SEMA3A: variants seen among roughly 807,000 people sequenced by gnomAD.
The protein encoded by SEMA3A is semaphorin 3A.
In SEMA3A, 29 loss-of-function variants were observed where a neutral mutation model predicts 97.9. That is an observed-to-expected ratio of 0.30 (90% CI 0.22 to 0.40). SEMA3A has a LOEUF of 0.40. Ranked by LOEUF, SEMA3A falls within the 10% of genes least tolerant of loss-of-function variation. SEMA3A has a pLI of 1.00. For missense variants in SEMA3A, 763 were observed against 951.3 expected (o/e 0.80, Z 2.60); for synonymous variants, 321 against 323.7 (o/e 0.99, Z 0.09).
At chr7:84,209,768 G>A (rs949568920) in intron 3 of SEMA3A, among the ~76,000 whole-genome samples, 8 of 151,930 alleles carry the variant, frequency 5.3e-5, no homozygotes, top group Non-Finnish European at 1.2e-4. Context: ...AACTATGATA[G>A]CCCCAATAAC....
intron 3 of SEMA3A, among the ~76,000 whole-genome samples, chr7:84,239,432 A>G (rs889583335): frequency 6.6e-6 from 1 of 152,186 alleles, no homozygotes; most frequent in African/African-American, 2.4e-5. Flanking sequence ...CTCATTTTAC[A>G]CCCAAATATG....
At chr7:84,275,635 G>T (rs1421625400) in intron 3 of SEMA3A, among the ~76,000 whole-genome samples, 1 of 151,862 alleles carries the variant, frequency 6.6e-6, no homozygotes, top group Non-Finnish European at 1.5e-5. Flanking sequence ...CTCAGGGGTT[G>T]CTGGTCTAGG....
intron 4 of SEMA3A, among the ~76,000 whole-genome samples, chr7:84,068,496 T>G (rs1793620787): frequency 6.6e-6 from 1 of 151,472 alleles, no homozygotes; most frequent in African/African-American, 2.4e-5. Flanking sequence ...AAAAGACCTA[T>G]ACTCTATTGT....
At chr7:83,996,447 C>G (rs533030237) in intron 12 of SEMA3A, among the ~76,000 whole-genome samples, 21 of 151,994 alleles carry the variant, frequency 1.4e-4, no homozygotes, top group African/African-American at 4.3e-4. Flanking sequence ...GGATTACAGG[C>G]ATGTGCCACC....
intron 1 of SEMA3A, among the ~76,000 whole-genome samples, chr7:84,157,214 T>C (rs924155699): frequency 2.6e-5 from 4 of 152,198 alleles, no homozygotes; most frequent in Non-Finnish European, 5.9e-5. Flanking sequence ...CTGGTACTTC[T>C]GCTTTTCCAA....
At chr7:84,168,825 T>C (rs1024648012) in intron 1 of SEMA3A, among the ~76,000 whole-genome samples, 3 of 151,874 alleles carry the variant, frequency 2.0e-5, no homozygotes, top group Non-Finnish European at 4.4e-5. Flanking sequence ...AATATTTTAA[T>C]GTAAACTTTT....
intron 1 of SEMA3A, among the ~76,000 whole-genome samples, chr7:84,193,310 C>T (rs1334365070): frequency 6.6e-6 from 1 of 151,886 alleles, no homozygotes; most frequent in Non-Finnish European, 1.5e-5. Context: ...AAAAGATGTT[C>T]CCCATCATAT....
intron 1 of SEMA3A, among the ~76,000 whole-genome samples, chr7:84,410,117 T>C (rs1804220037): frequency 6.6e-6 from 1 of 152,036 alleles, no homozygotes; most frequent in African/African-American, 2.4e-5. Context: ...ATTGTTTTGT[T>C]CCTGTATAAG....
At chr7:83,977,611 ATTAT>A (rs905941755) in intron 14 of SEMA3A, among the ~76,000 whole-genome samples, 8 of 151,898 alleles carry the variant, frequency 5.3e-5, no homozygotes, top group Non-Finnish European at 8.8e-5. Context: ...TTTTTTTCTG[ATTAT>A]TAATGAAGGA....
intron 15 of SEMA3A, among the ~76,000 whole-genome samples, chr7:83,963,783 G>T (rs1788571846): frequency 6.6e-6 from 1 of 152,160 alleles, no homozygotes; most frequent in South Asian, 2.1e-4. Context: ...GTATTTCAGA[G>T]AAATTATTTT....
At chr7:84,257,577 T>C (rs1799746734) in intron 3 of SEMA3A, among the ~76,000 whole-genome samples, 1 of 152,164 alleles carries the variant, frequency 6.6e-6, no homozygotes, top group African/African-American at 2.4e-5. Flanking sequence ...GACAAGAATG[T>C]GTACCTGCTC....
intron 4 of SEMA3A, among the ~76,000 whole-genome samples, chr7:84,066,251 G>A (rs1793488859): frequency 6.6e-6 from 1 of 151,938 alleles, no homozygotes; most frequent in Admixed American, 6.6e-5. Flanking sequence ...CAATAAATTA[G>A]GTATTGATGG....
chr7:84,188,635 A>T (rs1797953857), intron 1 of SEMA3A, among the ~76,000 whole-genome samples: 1 of 151,920 alleles, frequency 6.6e-6, no homozygotes, highest in Non-Finnish European at 1.5e-5. Flanking sequence ...ACATCATATA[A>T]TATGTGATAC....
intron 12 of SEMA3A, among the ~76,000 whole-genome samples, chr7:83,995,700 C>T (rs1310596355): frequency 3.8e-5 from 4 of 104,370 alleles, no homozygotes; most frequent in African/African-American, 1.3e-4. Context: ...AATTGGTGTT[C>T]GAGTAAAAAT....
At chr7:84,376,247 T>C (rs545957490) in intron 1 of SEMA3A, among the ~76,000 whole-genome samples, 113 of 152,312 alleles carry the variant, frequency 7.4e-4, no homozygotes, top group African/African-American at 2.6e-3. Context: ...TATTTTAGTT[T>C]TGTTGAGGAA....
chr7:84,456,641 T>A (rs1372746157), intron 1 of SEMA3A, among the ~76,000 whole-genome samples: 2 of 151,826 alleles, frequency 1.3e-5, no homozygotes, highest in Non-Finnish European at 3.0e-5. Context: ...AACTATAACA[T>A]ACAGTAAAGT....
intron 1 of SEMA3A, among the ~76,000 whole-genome samples, chr7:84,393,460 G>A (rs1803641542): frequency 6.6e-6 from 1 of 152,116 alleles, no homozygotes; most frequent in South Asian, 2.1e-4. Context: ...AAAAGCAATA[G>A]TAATTACAAT....
At chr7:84,100,642 A>T (rs1193832380) in intron 4 of SEMA3A, among the ~76,000 whole-genome samples, 1 of 152,128 alleles carries the variant, frequency 6.6e-6, no homozygotes, top group South Asian at 2.1e-4. Context: ...CCTTTGAGGG[A>T]TGATATTTGT....
intron 15 of SEMA3A, among the ~76,000 whole-genome samples, chr7:83,971,734 A>C (rs763665954): frequency 2.4e-4 from 37 of 152,290 alleles, no homozygotes; most frequent in Middle Eastern, 3.4e-3. Context: ...ATAAATATGA[A>C]GTTAGTGGAT....
Sources: allele counts gnomAD v4.1 joint callset (sites outside exome capture counted in the v4.1 genomes callset), GRCh38; gene constraint gnomAD v4.1.1; transcripts MANE v1.5; gene names NCBI Gene and HGNC (gene_info 2026-07-23, HGNC 2026-07-21).